The following ARRDC3 variants were observed in gnomAD, a reference collection of about 807,000 sequenced individuals.
The protein encoded by ARRDC3 is arrestin domain containing 3.
Under a neutral mutation model 47.2 loss-of-function variants are expected in ARRDC3, and 10 were observed. The observed-to-expected ratio is 0.21, with a 90% CI of 0.13 to 0.36. The LOEUF (loss-of-function observed/expected upper bound fraction) is 0.36. Among genes scored for constraint, ARRDC3 ranks in the 10% least tolerant of loss-of-function variants. ARRDC3 has a pLI of 1.00. For missense variants in ARRDC3, 381 were observed against 503.6 expected, an observed-to-expected ratio of 0.76 and a Z score of 2.33; for synonymous variants, 156 against 178.3, an observed-to-expected ratio of 0.87 and a Z score of 1.00.
At chr5:91,373,954 A>G (rs2303130) in intron 6 of ARRDC3, 116 bp from the exon 7 acceptor site, 95,652 of 1,481,796 alleles carry the variant, frequency 0.065, 3,666 homozygotes, top group South Asian at 0.15. Flanking sequence ...TTTGGTGATC[A>G]AAACTATGAA....
intron 5 of ARRDC3, 102 bp downstream of exon 5, chr5:91,374,820 G>T: frequency 8.2e-7 from 1 of 1,215,516 alleles, no homozygotes; most frequent in Non-Finnish European, 1.1e-6. Context: ...AGAAAGCAGA[G>T]GCTGTAGCGG....
chr5:91,374,310 G>C (rs377567633), intron 5 of ARRDC3, 34 bp from the exon 6 acceptor site: 2 of 1,563,194 alleles, frequency 1.3e-6, no homozygotes, highest in Non-Finnish European at 1.7e-6. Context: ...AGTTTAGAAT[G>C]CCAAGTATGA....
chr5:91,373,721 T>C lies in ARRDC3; in HGVS notation c.1151A>G (p.Gln384Arg), dbSNP rs1273524474. The C allele has an allele frequency of 1.1e-5, 17 of 1,613,910 alleles. No individual in the cohort carries two copies. The highest frequency in any genetic ancestry group is 1.4e-5 in the Non-Finnish European group (17 of 1,179,944). ...ALQGPLFAYI[Q>R]EFRFLPPPLY... ...AGGTGGAGGCAAGAATCGAAACTCC[T>C]GGATATATGCAAACAGTGGTCCTTG... is the stretch of plus-strand genomic sequence containing the variant. The change falls in exon 7 of 8, where the codon CAG becomes CGG. Residue 384 changes from glutamine to arginine, a missense_variant. By Grantham distance (43) the Gln-to-Arg change is conservative (BLOSUM62 1). Coordinates refer to ENST00000265138, the MANE Select transcript of ARRDC3 (RefSeq NM_020801.4).
Position 91,375,070 on chromosome 5 carries a change from T to C in ARRDC3, c.722A>G (p.Lys241Arg). ...TQAFYAKGKM[K>R]EVKQLVANLR... is the part of the protein sequence containing the mutation. ...GTTAGCCACAAGCTGTTTTACTTCC[T>C]TCATTTTCCCTTTGGCATAGAAGGC... Residue 241 changes from lysine (K) to arginine (R), a missense_variant, in exon 5 of 8, where the codon AAG becomes AGG. Coordinates refer to ENST00000265138, the MANE Select transcript of ARRDC3 (RefSeq NM_020801.4). 6.2e-7 allele frequency: 1 copy of C among 1,614,236 alleles called. No individual in the cohort carries two copies. The highest frequency in any genetic ancestry group is 8.5e-7 in the Non-Finnish European group (1 of 1,180,036).
chr5:91,380,653 C>T, intron 1 of ARRDC3: 1 of 152,320 alleles, frequency 6.6e-6, no homozygotes, highest in Non-Finnish European at 1.5e-5. Context: ...GGAAAACAAG[C>T]GTTCACAGGA....
Position 91,378,763 on chromosome 5 carries a change from G to T in ARRDC3, c.293C>A (p.Ser98Tyr). Residue 98 changes from serine (S) to tyrosine (Y), a missense_variant, in exon 2 of 8, where the codon TCC becomes TAC. Coordinates refer to ENST00000265138, the MANE Select transcript of ARRDC3 (RefSeq NM_020801.4). ...LIGHERDDDN[S>Y]EEGFHTIHSG... ...ATGAATAGTGTGGAAGCCTTCTTCG[G>T]AATTATCATCATCTAAAACAAACAT... The T allele has an allele frequency of 6.3e-7, 1 of 1,589,766 alleles. No homozygotes were observed. Among genetic ancestry groups the T allele is most frequent in the South Asian group, 1.2e-5 (1 of 85,796 alleles).
At position 91,368,761 on chromosome 5, in the gene ARRDC3, C is replaced by T. The variant is rs554354682; in HGVS notation, c.*2639G>A. Reference sequence around the variant, plus strand: ...GAAAAAAACAAAACACTTTATTTTCCACAAGGAAGAGCAATAGGAAAAATT... The same window carrying T: ...GAAAAAAACAAAACACTTTATTTTCTACAAGGAAGAGCAATAGGAAAAATT... On this transcript the variant is annotated 3_prime_UTR_variant, in exon 8 of 8. Transcript: ENST00000265138. 6.6e-6 allele frequency: 1 copy of T among 152,552 alleles called. No homozygotes were observed. Among genetic ancestry groups the T allele is most frequent in the East Asian group, 1.9e-4 (1 of 5,180 alleles). The allele number at this position is 152,552 out of a possible 1,614,324, so 9.4% of individuals were successfully genotyped here. A position where few individuals can be genotyped will look rare whatever the true frequency, so the allele number is the denominator to read the frequency against.
chr5:91,381,976 G>T (rs550069384), intron 1 of ARRDC3, among the ~76,000 whole-genome samples: 1 of 152,232 alleles, frequency 6.6e-6, no homozygotes, highest in South Asian at 2.1e-4. Flanking sequence ...TTAAACAATA[G>T]ATTGGAAATC....
At position 91,369,201 on chromosome 5, in the gene ARRDC3, A is replaced by G. The variant is rs1799110798; in HGVS notation, c.*2199T>C. 6.6e-6 allele frequency: 1 copy of G among 152,554 alleles called. No homozygotes were observed. The highest frequency in any genetic ancestry group is 1.5e-5 in the Non-Finnish European group (1 of 68,028). 9.5% of individuals were successfully genotyped at this position (152,554 alleles called of 1,614,324 possible). A position where few individuals can be genotyped will look rare whatever the true frequency, so the allele number is the denominator to read the frequency against. ...CATGTGTTATTTGTAAGAGTATATA[A>G]TGACAAGTATTCCAATGCTATGCAT... On this transcript the variant is annotated 3_prime_UTR_variant, in exon 8 of 8. Coordinates refer to ENST00000265138, the MANE Select transcript of ARRDC3 (RefSeq NM_020801.4).
At position 91,383,207 on chromosome 5, in the gene ARRDC3, G is replaced by T. The variant is rs1582380169; in HGVS notation, c.-115C>A. Reference sequence around the variant, plus strand: ...TTTTTGCCGTGCAAAATGCTTGCAGGCCGGATCAGTGATTCTCTACAAATA... The same window carrying T: ...TTTTTGCCGTGCAAAATGCTTGCAGTCCGGATCAGTGATTCTCTACAAATA... On this transcript the variant is annotated 5_prime_UTR_variant, in exon 1 of 8. Transcript: ENST00000265138. 1.0e-6 allele frequency: 1 copy of T among 958,550 alleles called. No individual in the cohort carries two copies. The highest frequency in any genetic ancestry group is 1.5e-6 in the Non-Finnish European group (1 of 660,620). 59.4% of individuals were successfully genotyped at this position (958,550 alleles called of 1,614,324 possible).
intron 1 of ARRDC3, among the ~76,000 whole-genome samples, 173 bp from the exon 2 acceptor site, chr5:91,378,948 A>G (rs924711507): frequency 5.3e-5 from 8 of 152,150 alleles, no homozygotes; most frequent in African/African-American, 1.7e-4. Flanking sequence ...GGACAAAATA[A>G]AAATCCTGTC....
rs970151411 is a variant in ARRDC3 at position 91,368,830 on chromosome 5, G to C, written c.*2570C>G. On this transcript the variant is annotated 3_prime_UTR_variant, in exon 8 of 8. Transcript: ENST00000265138. ...TGTTTTCTTAAAACAGAGCCTACAA[G>C]GACATATTCAGCACCAAATAAAAAA... 6.6e-6 allele frequency: 1 copy of C among 152,428 alleles called. No individual in the cohort carries two copies. Among genetic ancestry groups the C allele is most frequent in the East Asian group, 1.9e-4 (1 of 5,176 alleles). The allele number at this position is 152,428 out of a possible 1,614,324, so 9.4% of individuals were successfully genotyped here.
Position 91,375,152 on chromosome 5 carries a change from T to A in ARRDC3, c.640A>T (p.Ile214Phe). 3 of 1,613,640 alleles carry A rather than the reference T, an allele frequency of 1.9e-6. No individual in the cohort carries two copies. Among genetic ancestry groups the A allele is most frequent in the Non-Finnish European group, 2.5e-6 (3 of 1,179,986 alleles). The change falls in exon 5 of 8, where the codon ATT (isoleucine) becomes TTT (phenylalanine). Residue 214 changes from isoleucine (I) to phenylalanine (F), a missense_variant. Physicochemically the swap from Ile to Phe is conservative, Grantham distance 21. Coordinates refer to ENST00000265138, the MANE Select transcript of ARRDC3 (RefSeq NM_020801.4). ...PGESIQIFAE[I>F]ENCSSRMVVP... ...ACCATTCGGGAAGAGCAGTTCTCAA[T>A]CTCAGCAAATATCTGAATTGATTCA...
chr5:91,374,309 T>G (rs747436050), intron 5 of ARRDC3, 33 bp from the exon 6 acceptor site: 1 of 1,566,896 alleles, frequency 6.4e-7, no homozygotes, highest in East Asian at 2.3e-5. Context: ...AAGTTTAGAA[T>G]GCCAAGTATG....
chr5:91,374,917 C>A lies in ARRDC3; in HGVS notation c.870+5G>T. 6.2e-7 allele frequency: 1 copy of A among 1,613,806 alleles called. No homozygotes were observed. The highest frequency in any genetic ancestry group is 8.5e-7 in the Non-Finnish European group (1 of 1,179,778). ...AAGGAAAAAACCTCTTAAATGTGTA[C>A]ATACCATTAGTGAATATTCCACGCG... On this transcript the variant is annotated splice_donor_5th_base_variant and intron_variant, in intron 5 of 7. Coordinates refer to ENST00000265138, the MANE Select transcript of ARRDC3 (RefSeq NM_020801.4).
rs769484237 is a variant in ARRDC3 at position 91,371,404 on chromosome 5, C to T, written c.1241G>A (p.Arg414His). The T allele has an allele frequency of 3.0e-5, 48 of 1,612,944 alleles. 1 individual carries two copies. The South Asian group carries it at 3.5e-4, about 12-fold the overall frequency. ...SADDRPSCPSR is the reference protein window; with the variant it reads ...SADDRPSCPSH ...TTGATTCAACCAAGTGTTCCTTCAACGAGAGGGGCAGGATGGTCTATCATC... is the reference window on the plus strand; with the variant it reads ...TTGATTCAACCAAGTGTTCCTTCAATGAGAGGGGCAGGATGGTCTATCATC... Residue 414 changes from arginine (R) to histidine (H), a missense_variant, in exon 8 of 8, where the codon CGT becomes CAT. Physicochemically the swap from Arg to His is conservative, Grantham distance 29 (BLOSUM62 0). Coordinates refer to ENST00000265138, the MANE Select transcript of ARRDC3 (RefSeq NM_020801.4).
In ARRDC3 at chr5:91,375,111, G is replaced by A; in HGVS notation, c.681C>T (p.Ala227=). 6.2e-7 allele frequency: 1 copy of A among 1,614,036 alleles called. No individual in the cohort carries two copies. The highest frequency in any genetic ancestry group is 8.5e-7 in the Non-Finnish European group (1 of 1,180,010). ...CATAGAAGGCCTGTGTTTGGTAAAT[G>A]GCTGCCTTTGGCACCACCATTCGGG... The part of the protein sequence containing the change: ...CSSRMVVPKA[A]IYQTQAFYAK... The change falls in exon 5 of 8, where the codon GCC becomes GCT. Residue 227 remains alanine (A), a synonymous_variant. Transcript: ENST00000265138.
chr5:91,375,629 T>TA lies in ARRDC3; in HGVS notation c.511-17dup. 6.3e-7 allele frequency: 1 copy of TA among 1,586,532 alleles called. No homozygotes were observed. The highest frequency in any genetic ancestry group is 8.6e-7 in the Non-Finnish European group (1 of 1,159,272). On this transcript the variant is annotated splice_polypyrimidine_tract_variant and intron_variant, in intron 3 of 7. Coordinates refer to ENST00000265138, the MANE Select transcript of ARRDC3 (RefSeq NM_020801.4). The stretch of plus-strand genomic sequence containing the variant: ...CTTGGGGTGACTGTAAGAAAAAAAT[T>TA]AAGAGAAAAAGGTCAGTGTATGGAT...
At chr5:91,380,330 C>G (rs1799421300) in intron 1 of ARRDC3, 1 of 152,970 alleles carries the variant, frequency 6.5e-6, no homozygotes, top group Admixed American at 6.6e-5. Context: ...GCGGGGCGAG[C>G]GAGCCGCGGC....
Sources: gnomAD v4.1 joint callset for allele counts (sites outside exome capture counted in the v4.1 genomes callset) on GRCh38, gnomAD v4.1.1 for gene constraint, MANE v1.5 for transcripts, NCBI Gene and HGNC (gene_info 2026-07-23, HGNC 2026-07-21) for gene names.